The following GTF3C1 variants were observed in gnomAD, a reference collection of about 807,000 sequenced individuals.
GTF3C1 encodes the protein general transcription factor 3C polypeptide 1.
Under a neutral mutation model 226.7 loss-of-function variants are expected in GTF3C1, and 57 were observed. The ratio of observed to expected loss-of-function variants is 0.25; its 90% CI spans 0.20 to 0.31. The LOEUF (loss-of-function observed/expected upper bound fraction) is 0.31. Among genes scored for constraint, GTF3C1 ranks in the 10% least tolerant of loss-of-function variants. The pLI, the probability that GTF3C1 is intolerant of heterozygous loss-of-function variation, is 1.00. For synonymous variants in GTF3C1, 1,090 were observed against 1,084.8 expected (o/e 1.00, Z -0.09); for missense variants, 2,217 against 2,776.1 (o/e 0.80, Z 4.53).
rs371689122 is a variant in GTF3C1, at chr16:27,502,827, G to GCAGACAGA, written c.1907+24_1907+31dup. 4 of 1,549,794 alleles carry GCAGACAGA rather than the reference G, an allele frequency of 2.6e-6. No individual in the cohort carries two copies. In the African/African-American group the frequency reaches 4.1e-5, roughly 16 times the overall value. On this transcript the variant is annotated intron_variant, in intron 11 of 36. Transcript: ENST00000356183. ...GGTAGGAGGATTACTGTTAGTGCCA[G>GCAGACAGA]CAGACAGACAGACAGACAGACAGCT...
In GTF3C1 at chr16:27,538,359, G is replaced by T; in HGVS notation, c.432-3C>A. The T allele has an allele frequency of 6.6e-7, 1 of 1,509,180 alleles. No individual in the cohort carries two copies. Among genetic ancestry groups the T allele is most frequent in the Non-Finnish European group, 8.9e-7 (1 of 1,121,680 alleles). The allele number at this position is 1,509,180 out of a possible 1,614,324, so 93.5% of individuals were successfully genotyped here. On this transcript the variant is annotated splice_polypyrimidine_tract_variant and splice_region_variant and intron_variant, in intron 2 of 36. Transcript: ENST00000356183. ...CGATGATCAGTTTCTTCCCCCACCT[G>T]CAAATCGGAAACAATCGCATGAAGA...
chr16:27,486,378 A>T (rs1298372234), intron 23 of GTF3C1, among the ~76,000 whole-genome samples: 2 of 152,062 alleles, frequency 1.3e-5, no homozygotes, highest in Non-Finnish European at 2.9e-5. Flanking sequence ...ATCTTGATCA[A>T]ATTTCACAGC....
chr16:27,543,091 A>G (rs916930373), intron 2 of GTF3C1, among the ~76,000 whole-genome samples: 1 of 152,164 alleles, frequency 6.6e-6, no homozygotes, highest in Non-Finnish European at 1.5e-5. Context: ...GAAGCAGTCA[A>G]TGTGTCTTTC....
At chr16:27,537,213 C>T (rs188355542) in intron 4 of GTF3C1, among the ~76,000 whole-genome samples, 3 of 152,338 alleles carry the variant, frequency 2.0e-5, no homozygotes, top group East Asian at 1.9e-4. Context: ...ATCTGACTTA[C>T]TTGTATTTTT....
chr16:27,491,528 G>A lies in GTF3C1; in HGVS notation c.3151+810C>T, dbSNP rs545583147. Among the ~76,000 whole-genome samples the A allele has an allele frequency of 2.0e-4, 31 of 152,308 alleles. No homozygotes were observed. The South Asian group carries it at 6.4e-3, about 32-fold the overall frequency. On this transcript the variant is annotated intron_variant, in intron 19 of 36. Coordinates refer to ENST00000356183, the MANE Select transcript of GTF3C1 (RefSeq NM_001520.4). ...ATGGAATGATGCTAATAAAGGTGTG[G>A]ACACGCTTTCTCTGAGAGGTGACAC...
intron 6 of GTF3C1, among the ~76,000 whole-genome samples, chr16:27,522,968 G>A (rs2088773157): frequency 6.6e-6 from 1 of 151,982 alleles, no homozygotes; most frequent in Non-Finnish European, 1.5e-5. Context: ...TAGAGTCACA[G>A]GGGCAACAGC....
chr16:27,545,647 C>T, intron 1 of GTF3C1, 124 bp from the exon 2 acceptor site: 2 of 649,760 alleles, frequency 3.1e-6, no homozygotes, highest in Non-Finnish European at 2.7e-6. Context: ...GTTTTCCTGC[C>T]TTATAAATGC....
At chr16:27,506,233 G>A (rs2088482815) in intron 9 of GTF3C1, 117 bp from the exon 10 acceptor site, 1 of 618,924 alleles carries the variant, frequency 1.6e-6, no homozygotes, top group East Asian at 2.7e-5. Context: ...CAGTTGAAAG[G>A]TGAGGGAAGT....
Position 27,465,555 on chromosome 16 carries a change from A to G in GTF3C1, c.5075-15T>C, listed in dbSNP as rs1412689408. 2 of 1,588,826 alleles carry G rather than the reference A, an allele frequency of 1.3e-6. No individual in the cohort carries two copies. Among genetic ancestry groups the G allele is most frequent in the East Asian group, 2.2e-5 (1 of 44,558 alleles). On this transcript the variant is annotated splice_polypyrimidine_tract_variant and intron_variant, in intron 32 of 36. Transcript: ENST00000356183. ...CAGAGGAGCGGCTGTGGGGACACAG[A>G]GGAAGATCAGAGGCAGCCCGACAGA...
intron 19 of GTF3C1, among the ~76,000 whole-genome samples, chr16:27,491,874 A>C (rs2088237856): frequency 6.6e-6 from 1 of 152,126 alleles, no homozygotes; most frequent in African/African-American, 2.4e-5. Context: ...TATAGAATTC[A>C]GCTCCAATGT....
Position 27,506,836 on chromosome 16 carries a change from GTGCTCCCTACCCT to G in GTF3C1, c.1550_1552+10del. ...TGCACGCAGCCCCTGCCCACCCCAC[GTGCTCCCTACCCT>G]TGGTTGGGGTGGAGTGATGAGGCTG... On this transcript the variant is annotated splice_donor_variant and splice_donor_5th_base_variant and coding_sequence_variant and intron_variant, in exon 9 of 37. Transcript: ENST00000356183. LOFTEE classifies it high-confidence loss of function. 6.3e-7 allele frequency: 1 copy of G among 1,589,608 alleles called. No individual in the cohort carries two copies. Among genetic ancestry groups the G allele is most frequent in the Non-Finnish European group, 8.6e-7 (1 of 1,166,426 alleles).
At chr16:27,504,155 G>T (rs1469045753) in intron 10 of GTF3C1, among the ~76,000 whole-genome samples, 1 of 152,244 alleles carries the variant, frequency 6.6e-6, no homozygotes, top group Non-Finnish European at 1.5e-5. Context: ...CCTGCAAACA[G>T]TTGGTGCCAT....
At chr16:27,476,003 G>C (rs1355053799) in intron 29 of GTF3C1, among the ~76,000 whole-genome samples, 1 of 152,172 alleles carries the variant, frequency 6.6e-6, no homozygotes, top group Non-Finnish European at 1.5e-5. Context: ...ACTAAAGAGA[G>C]AGATGAGGAA....
In GTF3C1 at chr16:27,460,675, T is replaced by TA. The variant is rs760161820; in HGVS notation, c.*674dup. The TA allele has an allele frequency of 3.9e-5, 6 of 152,126 alleles. No individual in the cohort carries two copies. The East Asian group carries it at 1.2e-3, about 29-fold the overall frequency. The allele number at this position is 152,126 out of a possible 1,614,324, so 9.4% of individuals were successfully genotyped here. A position where few individuals can be genotyped will look rare whatever the true frequency, so the allele number is the denominator to read the frequency against. ...ACACTCCACAGGGACTTTTTTTTTT[T>TA]AATGAGGAAAAAAGGTGAAAGAACA... On this transcript the variant is annotated 3_prime_UTR_variant, in exon 37 of 37. Transcript: ENST00000356183.
intron 32 of GTF3C1, among the ~76,000 whole-genome samples, chr16:27,467,541 G>T (rs1242359669): frequency 6.6e-6 from 1 of 152,184 alleles, no homozygotes; most frequent in East Asian, 1.9e-4. Flanking sequence ...CATGGATCAA[G>T]GAGTCACTTC....
intron 5 of GTF3C1, among the ~76,000 whole-genome samples, chr16:27,531,376 T>C (rs1216391668): frequency 6.6e-6 from 1 of 152,228 alleles, no homozygotes; most frequent in African/African-American, 2.4e-5. Context: ...CAAATGCCAC[T>C]TCCCCTCTGT....
In GTF3C1 at chr16:27,491,145, G is replaced by T. The variant is rs934283694; in HGVS notation, c.3151+1193C>A. Among the ~76,000 whole-genome samples the T allele has an allele frequency of 2.0e-5, 3 of 152,330 alleles. No homozygotes were observed. In the South Asian group the frequency reaches 6.2e-4, roughly 32 times the overall value. Reference sequence around the variant, plus strand: ...GACCCATGAAAGTTTCTAAATACAAGTGCTATTACTCTTGGCATTAAATAA... The same window carrying T: ...GACCCATGAAAGTTTCTAAATACAATTGCTATTACTCTTGGCATTAAATAA... On this transcript the variant is annotated intron_variant, in intron 19 of 36. Coordinates refer to ENST00000356183, the MANE Select transcript of GTF3C1 (RefSeq NM_001520.4).
rs142299681 is a variant in GTF3C1 at position 27,544,538 on chromosome 16, C to T, written c.431+776G>A. 6.7e-4 allele frequency among the ~76,000 whole-genome samples: 101 copies of T among 151,638 alleles called. 3 individuals carry two copies. The East Asian group carries it at 0.017, about 25-fold the overall frequency. On this transcript the variant is annotated intron_variant, in intron 2 of 36. Transcript: ENST00000356183. ...CAGGGCCACCATTTCTCACCTCCTC[C>T]GAGATGAGAGTAGACAGGGAAGAAA...
Position 27,486,032 on chromosome 16 carries a change from G to A in GTF3C1, c.3823C>T (p.Leu1275=). The A allele has an allele frequency of 6.2e-7, 1 of 1,612,234 alleles. No individual in the cohort carries two copies. The highest frequency in any genetic ancestry group is 1.1e-5 in the South Asian group (1 of 90,864). The change falls in exon 24 of 37, where the codon CTG becomes TTG. Residue 1275 remains leucine, a synonymous_variant. Coordinates refer to ENST00000356183, the MANE Select transcript of GTF3C1 (RefSeq NM_001520.4). ...AGGACATTGCTGGCAATGCGGCACA[G>A]CACAAGCAGCCCATCCTCCTGCATA... is the stretch of plus-strand genomic sequence containing the variant. The part of the protein sequence containing the change: ...WSMQEDGLLV[L]CRIASNVLNT...
Sources: allele counts gnomAD v4.1 joint callset (sites outside exome capture counted in the v4.1 genomes callset), GRCh38; gene constraint gnomAD v4.1.1; transcripts MANE v1.5; gene names NCBI Gene and HGNC (gene_info 2026-07-23, HGNC 2026-07-21).